FUT8: variants seen among roughly 807,000 people sequenced by gnomAD.
FUT8 encodes fucosyltransferase 8, also known as alpha-(1,6)-fucosyltransferase.
In FUT8, 29 loss-of-function variants were observed where a neutral mutation model predicts 71.3. The ratio of observed to expected loss-of-function variants is 0.41; its 90% confidence interval spans 0.30 to 0.55. The LOEUF (loss-of-function observed/expected upper bound fraction) is 0.55. Among genes scored for constraint, FUT8 ranks in the 20% least tolerant of loss-of-function variants. The pLI, the probability that FUT8 is intolerant of heterozygous loss-of-function variation, is 0.34. For synonymous variants in FUT8, 254 were observed against 239.3 expected (o/e 1.06, Z -0.57); for missense variants, 544 against 702.1 (o/e 0.77, Z 2.55).
intron 2 of FUT8, among the ~76,000 whole-genome samples, chr14:65,504,911 C>A (rs1397916610): frequency 6.6e-6 from 1 of 151,874 alleles, no homozygotes; most frequent in Non-Finnish European, 1.5e-5. Flanking sequence ...CATTGCACGC[C>A]GGGCTGGGCA....
chr14:65,633,688 G>T (rs1444351204), intron 6 of FUT8, among the ~76,000 whole-genome samples: 4 of 152,100 alleles, frequency 2.6e-5, no homozygotes, highest in African/African-American at 4.8e-5. Context: ...TCTGGGAGGT[G>T]AGGAGCGTCT....
At chr14:65,712,182 G>T (rs1894839583) in intron 7 of FUT8, among the ~76,000 whole-genome samples, 1 of 151,988 alleles carries the variant, frequency 6.6e-6, no homozygotes, top group Non-Finnish European at 1.5e-5. Context: ...GGTATCTTTG[G>T]GTCTCGTAGT....
At chr14:65,496,410 TCTC>T (rs1235499036) in intron 2 of FUT8, among the ~76,000 whole-genome samples, 1 of 152,158 alleles carries the variant, frequency 6.6e-6, no homozygotes, top group Non-Finnish European at 1.5e-5. Flanking sequence ...TTAGACTTTG[TCTC>T]CTCACCCAAA....
At chr14:65,376,361 T>A in the FUT8 span, among the ~76,000 whole-genome samples, 1 of 152,280 alleles carries the variant, frequency 6.6e-6, no homozygotes, top group South Asian at 2.1e-4. Flanking sequence ...GAAGAACATG[T>A]GGTGGTGGTA....
In FUT8 at chr14:65,643,883, G is replaced by A. The variant is rs561879205; in HGVS notation, c.597+14277G>A. Among the ~76,000 whole-genome samples, 37 of 152,052 alleles carry A rather than the reference G, an allele frequency of 2.4e-4. No individual in the cohort carries two copies. Among genetic ancestry groups the A allele is most frequent in the Non-Finnish European group, 1.2e-4 (8 of 67,994 alleles). On this transcript the variant is annotated intron_variant, in intron 6 of 10. Coordinates refer to ENST00000673929, the MANE Select transcript of FUT8 (RefSeq NM_001371533.1). The surrounding 1 kb of genome is among the most constrained non-coding windows in gnomAD (Gnocchi z 4.5). ...TATGTACTTGTTTTAAAGTTATTTC[G>A]AAAGTAATTTTCTCTTTCTAGAAAT... is the stretch of plus-strand genomic sequence containing the variant.
At chr14:65,619,843 T>C (rs1889506099) in intron 5 of FUT8, among the ~76,000 whole-genome samples, 1 of 152,240 alleles carries the variant, frequency 6.6e-6, no homozygotes. Flanking sequence ...TGATCATGAA[T>C]TGACCCTAGC....
intron 7 of FUT8, among the ~76,000 whole-genome samples, chr14:65,692,433 G>T (rs1893688803): frequency 7.6e-6 from 1 of 130,950 alleles, no homozygotes; most frequent in Admixed American, 7.4e-5. Context: ...CCTCCCGGAC[G>T]GGGCGGCTGG....
the FUT8 span, among the ~76,000 whole-genome samples, chr14:65,368,792 G>T: frequency 6.6e-6 from 1 of 152,070 alleles, no homozygotes; most frequent in Non-Finnish European, 1.5e-5. Flanking sequence ...AAAGTGCTGG[G>T]ATTACAGGCA....
intron 7 of FUT8, among the ~76,000 whole-genome samples, chr14:65,694,335 C>T (rs114921995): frequency 6.7e-4 from 102 of 152,188 alleles, no homozygotes; most frequent in African/African-American, 2.4e-3. Context: ...ACTTTTGCAG[C>T]GTTCCACAAA....
intron 3 of FUT8, among the ~76,000 whole-genome samples, chr14:65,562,169 G>A (rs768956715): frequency 9.2e-5 from 14 of 151,956 alleles, no homozygotes; most frequent in Non-Finnish European, 1.3e-4. Context: ...TTTTGCATAT[G>A]CATTTTAATG....
At chr14:65,671,571 A>G (rs537024141) in intron 7 of FUT8, among the ~76,000 whole-genome samples, 7 of 152,312 alleles carry the variant, frequency 4.6e-5, no homozygotes, top group African/African-American at 1.7e-4. Context: ...AACTCATGCC[A>G]AACACTTTAC....
intron 7 of FUT8, among the ~76,000 whole-genome samples, chr14:65,691,746 C>T (rs28627935): frequency 0.01 from 1,566 of 151,572 alleles, 31 homozygotes; most frequent in African/African-American, 0.036. Flanking sequence ...GAGGACCCTG[C>T]GGCCTTCTGC....
At chr14:65,739,276 A>G (rs1012602421) in intron 10 of FUT8, among the ~76,000 whole-genome samples, 3 of 152,076 alleles carry the variant, frequency 2.0e-5, no homozygotes, top group Non-Finnish European at 4.4e-5. Context: ...ACACCTGTGT[A>G]GCACTGGTAT....
chr14:65,538,136 T>C (rs553555625), intron 2 of FUT8, among the ~76,000 whole-genome samples: 1 of 152,346 alleles, frequency 6.6e-6, no homozygotes, highest in East Asian at 1.9e-4. Context: ...TGTCCCTGGC[T>C]GTGCTCCACT....
In FUT8 at chr14:65,743,982, A is replaced by G. The variant is rs1458255900; in HGVS notation, c.*1572A>G. 2.0e-5 allele frequency: 3 copies of G among 151,998 alleles called. No individual in the cohort carries two copies. The highest frequency in any genetic ancestry group is 4.1e-4 in the South Asian group (2 of 4,828). 9.4% of individuals were successfully genotyped at this position (151,998 alleles called of 1,614,324 possible). A position where few individuals can be genotyped will look rare whatever the true frequency, so the allele number is the denominator to read the frequency against. ...TATCTTCACCAAATGAAAATACTGT[A>G]TATAAAATTTCACCACCAAACTTAA... On this transcript the variant is annotated 3_prime_UTR_variant, in exon 11 of 11. Coordinates refer to ENST00000673929, the MANE Select transcript of FUT8 (RefSeq NM_001371533.1).
chr14:65,609,171 T>C (rs1266496830), intron 3 of FUT8, among the ~76,000 whole-genome samples: 1 of 151,624 alleles, frequency 6.6e-6, no homozygotes, highest in Non-Finnish European at 1.5e-5. Context: ...GGCGCGCTCC[T>C]GTAGTCCCAG....
In FUT8 at chr14:65,724,555, G is replaced by A. The variant is rs566029958; in HGVS notation, c.1259+232G>A. On this transcript the variant is annotated intron_variant, in intron 9 of 10. Coordinates refer to ENST00000673929, the MANE Select transcript of FUT8 (RefSeq NM_001371533.1). ...AAAATGAACTGGACCACTGACTTAC[G>A]CATTGTCACCAGCAATAATCATTAT... Among the ~76,000 whole-genome samples the A allele has an allele frequency of 1.3e-4, 20 of 152,192 alleles. No homozygotes were observed. The South Asian group carries it at 1.7e-3, about 13-fold the overall frequency.
intron 2 of FUT8, among the ~76,000 whole-genome samples, chr14:65,540,558 T>C (rs1884616555): frequency 6.6e-6 from 1 of 152,226 alleles, no homozygotes; most frequent in African/African-American, 2.4e-5. Context: ...CTGAGGACTT[T>C]GTGCAACCAT....
chr14:65,389,533 G>A, the FUT8 span, among the ~76,000 whole-genome samples: 20,346 of 151,906 alleles, frequency 0.13, 2,002 homozygotes, highest in East Asian at 0.54. Flanking sequence ...GGCTGGTCTT[G>A]AACCCCTGAC....
Sources: allele counts gnomAD v4.1 joint callset (sites outside exome capture counted in the v4.1 genomes callset), GRCh38; gene constraint gnomAD v4.1.1; non-coding constraint Gnocchi (gnomAD v3.1); transcripts MANE v1.5; gene names NCBI Gene and HGNC (gene_info 2026-07-23, HGNC 2026-07-21).